The following UNC13C variants were observed in gnomAD, a reference collection of about 807,000 sequenced individuals.
The protein encoded by UNC13C is protein unc-13 homolog C.
Under a neutral mutation model 245.4 loss-of-function variants are expected in UNC13C, and 174 were observed. The ratio of observed to expected loss-of-function variants is 0.71; its 90% CI spans 0.63 to 0.80. The LOEUF is 0.80. UNC13C is among the 30% of genes least tolerant of loss of function. The pLI is 0.00. For missense variants in UNC13C, 2,829 were observed against 2,602.9 expected (o/e 1.09, Z -1.89); for synonymous variants, 992 against 895.1 (o/e 1.11, Z -1.93).
intron 19 of UNC13C, among the ~76,000 whole-genome samples, chr15:54,417,742 C>T (rs896596971): frequency 6.6e-6 from 1 of 152,078 alleles, no homozygotes; most frequent in South Asian, 2.1e-4. Flanking sequence ...CAGTCCTTAA[C>T]ACAAGCCTGG....
At chr15:54,081,449 G>T (rs1475953117) in intron 2 of UNC13C, among the ~76,000 whole-genome samples, 1 of 151,988 alleles carries the variant, frequency 6.6e-6, no homozygotes, top group African/African-American at 2.4e-5. Flanking sequence ...AGTAGTATTT[G>T]TTTGTGAATC....
intron 16 of UNC13C, among the ~76,000 whole-genome samples, chr15:54,336,135 G>T (rs971242909): frequency 6.6e-5 from 10 of 151,900 alleles, no homozygotes; most frequent in African/African-American, 2.4e-4. Context: ...TTTTCTTACT[G>T]TTAAGGGCAT....
At chr15:54,111,904 A>G (rs1226125136) in intron 2 of UNC13C, among the ~76,000 whole-genome samples, 1 of 152,136 alleles carries the variant, frequency 6.6e-6, no homozygotes, top group Non-Finnish European at 1.5e-5. Flanking sequence ...TTTGATATAT[A>G]GAAATGGTGG....
intron 10 of UNC13C, among the ~76,000 whole-genome samples, chr15:54,267,104 C>T (rs956651173): frequency 6.6e-6 from 1 of 151,940 alleles, no homozygotes; most frequent in African/African-American, 2.4e-5. Flanking sequence ...AACAGAGTGA[C>T]CCATATGTTA....
intron 4 of UNC13C, among the ~76,000 whole-genome samples, chr15:54,170,883 C>A (rs1028447466): frequency 1.3e-5 from 2 of 152,048 alleles, no homozygotes; most frequent in African/African-American, 2.4e-5. Context: ...AGGTATAAGC[C>A]ATTGTTTCTG....
Position 54,046,929 on chromosome 15 carries a change from TA to T in UNC13C, c.2983+31044del, listed in dbSNP as rs573886821. Reference sequence around the variant, plus strand: ...AAAAAACTAGACATAGTAATTCAGATAGGGGTAAGAGACACAATCCCTTTAT... The same window carrying T: ...AAAAAACTAGACATAGTAATTCAGATGGGGTAAGAGACACAATCCCTTTAT... On this transcript the variant is annotated intron_variant, in intron 2 of 32. Transcript: ENST00000260323. Among the ~76,000 whole-genome samples, 9 of 152,128 alleles carry T rather than the reference TA, an allele frequency of 5.9e-5. No homozygotes were observed. The East Asian group carries it at 1.7e-3, about 29-fold the overall frequency.
chr15:54,021,807 C>T (rs1895913861), intron 2 of UNC13C, among the ~76,000 whole-genome samples: 1 of 152,138 alleles, frequency 6.6e-6, no homozygotes, highest in Non-Finnish European at 1.5e-5. Flanking sequence ...TTTTACTGTA[C>T]CTTTTCTATC....
intron 17 of UNC13C, among the ~76,000 whole-genome samples, chr15:54,342,829 G>A (rs1172688455): frequency 2.6e-5 from 4 of 152,078 alleles, no homozygotes; most frequent in African/African-American, 9.6e-5. Flanking sequence ...AAATTAAGCT[G>A]AGTTTGGCAT....
chr15:54,143,745 C>T, intron 4 of UNC13C, 61 bp downstream of exon 4: 1 of 1,308,364 alleles, frequency 7.6e-7, no homozygotes, highest in Non-Finnish European at 1.1e-6. Context: ...GCTGTGTTCT[C>T]AACATATATG....
intron 25 of UNC13C, among the ~76,000 whole-genome samples, chr15:54,526,070 G>A (rs902225736): frequency 6.6e-5 from 10 of 152,142 alleles, no homozygotes; most frequent in Admixed American, 3.9e-4. Context: ...TGTGGTTGCC[G>A]TCAGTATAGC....
intron 30 of UNC13C, among the ~76,000 whole-genome samples, chr15:54,573,865 A>T (rs1209233406): frequency 6.6e-6 from 1 of 152,168 alleles, no homozygotes; most frequent in Non-Finnish European, 1.5e-5. Flanking sequence ...TCAGTCTAGG[A>T]CACCCTAATC....
intron 4 of UNC13C, among the ~76,000 whole-genome samples, chr15:54,194,111 T>A (rs1423183263): frequency 6.6e-6 from 1 of 152,142 alleles, no homozygotes; most frequent in Non-Finnish European, 1.5e-5. Flanking sequence ...TCCTTTTAAA[T>A]TTAGTAGGAA....
rs560058288 is a variant in UNC13C at position 53,987,383 on chromosome 15, G to A, written c.-257+8456G>A. ...GGCCTGGATCCTAACACATAATCTTGCCAGAGGAAAACAATTGGTTTTAAA... is the reference window on the plus strand; with the variant it reads ...GGCCTGGATCCTAACACATAATCTTACCAGAGGAAAACAATTGGTTTTAAA... On this transcript the variant is annotated intron_variant, in intron 1 of 32. Coordinates refer to ENST00000260323, the MANE Select transcript of UNC13C (RefSeq NM_001080534.3). Among the ~76,000 whole-genome samples, 75 of 151,912 alleles carry A rather than the reference G, an allele frequency of 4.9e-4. 1 individual carries two copies. The highest frequency in any genetic ancestry group is 1.2e-3 in the Admixed American group (18 of 15,230).
chr15:54,581,284 A>G (rs1898188454), intron 30 of UNC13C, among the ~76,000 whole-genome samples: 1 of 152,248 alleles, frequency 6.6e-6, no homozygotes. Flanking sequence ...CAAGAAGACC[A>G]ATCAGAGTGG....
intron 17 of UNC13C, among the ~76,000 whole-genome samples, chr15:54,390,029 C>T (rs1349974393): frequency 1.3e-5 from 2 of 151,942 alleles, no homozygotes; most frequent in Non-Finnish European, 1.5e-5. Flanking sequence ...GCGCCCGGCC[C>T]GTCTTTGCAT....
the UNC13C span, among the ~76,000 whole-genome samples, chr15:53,932,376 C>T: frequency 3.9e-5 from 6 of 152,088 alleles, no homozygotes; most frequent in South Asian, 2.1e-4. Context: ...AAGTGACAGA[C>T]CAAAATGTTT....
In UNC13C at chr15:54,156,788, A is replaced by G. The variant is rs143445460; in HGVS notation, c.3071+13104A>G. Among the ~76,000 whole-genome samples, 217 of 150,954 alleles carry G rather than the reference A, an allele frequency of 1.4e-3. 9 individuals are homozygous for G. Among genetic ancestry groups the G allele is most frequent in the African/African-American group, 5.0e-3 (203 of 40,910 alleles). ...CTGCAACTGTGGTTCAAAACTAGAC[A>G]TATTTGATGAAAGACTGTGTCAGTA... On this transcript the variant is annotated intron_variant, in intron 4 of 32. Coordinates refer to ENST00000260323, the MANE Select transcript of UNC13C (RefSeq NM_001080534.3).
chr15:54,333,119 T>C (rs1454170018), intron 15 of UNC13C, among the ~76,000 whole-genome samples: 10 of 152,082 alleles, frequency 6.6e-5, no homozygotes, highest in Admixed American at 5.9e-4. Flanking sequence ...AATGGCTCTT[T>C]AGAAAAGCAT....
intron 2 of UNC13C, among the ~76,000 whole-genome samples, chr15:54,020,262 AT>A (rs1224511101): frequency 2.0e-5 from 3 of 149,598 alleles, no homozygotes; most frequent in Non-Finnish European, 4.4e-5. Flanking sequence ...AATATTAATA[AT>A]TTTTTTCTTT....
Sources: gnomAD v4.1 joint callset for allele counts (sites outside exome capture counted in the v4.1 genomes callset) on GRCh38, gnomAD v4.1.1 for gene constraint, MANE v1.5 for transcripts, NCBI Gene and HGNC (gene_info 2026-07-23, HGNC 2026-07-21) for gene names.